Variants in DPH6 observed in about 807,000 individuals in gnomAD.
DPH6 encodes the protein diphthamine biosynthesis 6.
A neutral mutation model predicts 38.2 loss-of-function variants in DPH6; 33 were observed. The ratio of observed to expected loss-of-function variants is 0.86; its 90% CI spans 0.65 to 1.15. DPH6 has a LOEUF of 1.15. Among genes scored for constraint, DPH6 ranks in the 50% most tolerant of loss-of-function variants. The pLI, the probability that DPH6 is intolerant of heterozygous loss-of-function variation, is 0.00. For missense variants in DPH6, 325 were observed against 320.0 expected (o/e 1.02, Z -0.12); for synonymous variants, 108 against 103.0 (o/e 1.05, Z -0.30).
At chr15:35,405,832 T>C (rs977325114) in intron 6 of DPH6, among the ~76,000 whole-genome samples, 3 of 152,064 alleles carry the variant, frequency 2.0e-5, no homozygotes, top group African/African-American at 7.2e-5. Context: ...TCGCTGTGGA[T>C]CTGTCATATA....
At chr15:35,357,141 A>G (rs763134023) in intron 3 of DPH6, among the ~76,000 whole-genome samples, 1 of 152,232 alleles carries the variant, frequency 6.6e-6, no homozygotes, top group Admixed American at 6.5e-5. Context: ...GAAGCGCAGT[A>G]TTAGCGTGGG....
At chr15:35,494,718 A>G (rs1338902106) in intron 3 of DPH6, among the ~76,000 whole-genome samples, 1 of 151,996 alleles carries the variant, frequency 6.6e-6, no homozygotes, top group African/African-American at 2.4e-5. Flanking sequence ...ATCAATCAAT[A>G]CATCCTATCA....
chr15:35,170,120 G>C, the DPH6 span, among the ~76,000 whole-genome samples: 2 of 152,200 alleles, frequency 1.3e-5, no homozygotes, highest in African/African-American at 4.8e-5. Flanking sequence ...TGAATCAACT[G>C]TCGGTCAGTG....
chr15:35,352,851 G>A (rs939825290), intron 3 of DPH6, among the ~76,000 whole-genome samples: 14 of 152,170 alleles, frequency 9.2e-5, no homozygotes, highest in Admixed American at 3.3e-4. Flanking sequence ...CTGAGGAATC[G>A]CCACACCGAC....
intron 3 of DPH6, among the ~76,000 whole-genome samples, chr15:35,529,365 G>A (rs1222543634): frequency 6.6e-6 from 1 of 152,086 alleles, no homozygotes; most frequent in Non-Finnish European, 1.5e-5. Context: ...AAGATCTCAG[G>A]AGAACTCTAT....
intron 3 of DPH6, among the ~76,000 whole-genome samples, chr15:35,295,373 T>C (rs1327577633): frequency 6.6e-6 from 1 of 152,226 alleles, no homozygotes; most frequent in Non-Finnish European, 1.5e-5. Context: ...GACAGGACTC[T>C]AAGTCTGCAT....
intron 3 of DPH6, among the ~76,000 whole-genome samples, chr15:35,317,269 GAAAGAA>G (rs760660887): frequency 1.1e-4 from 13 of 120,392 alleles, no homozygotes; most frequent in Non-Finnish European, 1.9e-4. Flanking sequence ...AAAAAAGAAA[GAAAGAA>G]AGAGAGAGAG....
At chr15:35,542,941 AAGGAAT>A (rs1296381383) in intron 1 of DPH6, among the ~76,000 whole-genome samples, 2 of 17,164 alleles carry the variant, frequency 1.2e-4, no homozygotes, top group African/African-American at 3.8e-4. Context: ...TATTCCACTT[AAGGAAT>A]ATATATATAT....
chr15:35,419,723 A>G (rs2053481254), intron 5 of DPH6, among the ~76,000 whole-genome samples: 1 of 152,198 alleles, frequency 6.6e-6, no homozygotes, highest in Non-Finnish European at 1.5e-5. Context: ...ATAGTGATTA[A>G]GAATCCAATT....
At chr15:35,522,198 GCTGCC>G (rs776523547) in intron 3 of DPH6, 5 of 1,613,314 alleles carry the variant, frequency 3.1e-6, no homozygotes, top group Non-Finnish European at 4.2e-6. Flanking sequence ...CAATCGCCTG[GCTGCC>G]CACTTTCAAA....
intron 3 of DPH6, among the ~76,000 whole-genome samples, chr15:35,348,918 A>G (rs779466807): frequency 4.1e-4 from 63 of 152,058 alleles, no homozygotes; most frequent in Non-Finnish European, 7.8e-4. Context: ...ATTGTAAATT[A>G]TATTTGTTTT....
At chr15:35,484,099 T>C (rs1483753975) in intron 3 of DPH6, among the ~76,000 whole-genome samples, 1 of 152,180 alleles carries the variant, frequency 6.6e-6, no homozygotes, top group African/African-American at 2.4e-5. Context: ...CTCTAAAAAC[T>C]AAATTATTGA....
rs1401450784 is a variant in DPH6, at chr15:35,542,961, T to TAG, written c.24-455_24-454insCT. Among the ~76,000 whole-genome samples, 10 of 119,140 alleles carry TAG rather than the reference T, an allele frequency of 8.4e-5. 2 individuals are homozygous for TAG. Among genetic ancestry groups the TAG allele is most frequent in the Non-Finnish European group, 1.4e-4 (8 of 57,442 alleles). The allele number at this position is 119,140 out of a possible 152,430, so 78.2% of individuals were successfully genotyped here. A position where few individuals can be genotyped will look rare whatever the true frequency, so the allele number is the denominator to read the frequency against. The stretch of plus-strand genomic sequence containing the variant: ...CACTTAAGGAATATATATATATATA[T>TAG]ATATAAAATAATTTCATAGAAATTA... On this transcript the variant is annotated intron_variant, in intron 1 of 8. Transcript: ENST00000256538.
chr15:35,508,250 T>G (rs1400592608), intron 3 of DPH6, among the ~76,000 whole-genome samples: 1 of 152,150 alleles, frequency 6.6e-6, no homozygotes, highest in African/African-American at 2.4e-5. Context: ...AGAGCCTTCC[T>G]TCTTCTGCCT....
chr15:35,330,798 C>T (rs536120153), downstream of DPH6: 65 of 152,142 alleles, frequency 4.3e-4, no homozygotes, highest in African/African-American at 9.9e-4. Context: ...ACAGTCAATG[C>T]TAATCATTAA....
At chr15:35,537,021 G>C (rs1228467207) in intron 3 of DPH6, among the ~76,000 whole-genome samples, 1 of 151,662 alleles carries the variant, frequency 6.6e-6, no homozygotes, top group Non-Finnish European at 1.5e-5. Flanking sequence ...CTACTCTAAG[G>C]GTTTTTCTTA....
At chr15:35,163,478 C>T in the DPH6 span, among the ~76,000 whole-genome samples, 1 of 151,822 alleles carries the variant, frequency 6.6e-6, no homozygotes, top group Non-Finnish European at 1.5e-5. Context: ...AAGAAACGAA[C>T]AGGACTTTTC....
chr15:35,270,476 C>T (rs1407049314), intron 3 of DPH6, among the ~76,000 whole-genome samples: 2 of 151,988 alleles, frequency 1.3e-5, no homozygotes, highest in African/African-American at 4.8e-5. Flanking sequence ...TAAGGTTATA[C>T]ATTTTTTCTA....
chr15:35,384,119 CT>C, intron 6 of DPH6, among the ~76,000 whole-genome samples: 1 of 152,322 alleles, frequency 6.6e-6, no homozygotes, highest in East Asian at 1.9e-4. Context: ...CATCTCAGGT[CT>C]GTCTCTGGCT....
Sources: gnomAD v4.1 joint callset for allele counts (sites outside exome capture counted in the v4.1 genomes callset) on GRCh38, gnomAD v4.1.1 for gene constraint, MANE v1.5 for transcripts, NCBI Gene and HGNC (gene_info 2026-07-23, HGNC 2026-07-21) for gene names.